PRTFDC1: variants seen among roughly 807,000 people sequenced by gnomAD.
PRTFDC1 encodes the protein phosphoribosyltransferase domain-containing protein 1.
Under a neutral mutation model 34.6 loss-of-function variants are expected in PRTFDC1, and 38 were observed. That is an observed-to-expected ratio of 1.10 (90% CI 0.85 to 1.44). The LOEUF (loss-of-function observed/expected upper bound fraction) is 1.44, where lower values mean the gene tolerates loss of function less well. Among genes scored for constraint, PRTFDC1 ranks in the 40% most tolerant of loss-of-function variants. PRTFDC1 has a pLI of 0.00. For synonymous variants in PRTFDC1, 93 were observed against 98.1 expected (o/e 0.95, Z 0.31); for missense variants, 270 against 283.0 (o/e 0.95, Z 0.33).
chr10:24,876,067 A>G (rs1291311964), intron 3 of PRTFDC1, among the ~76,000 whole-genome samples: 2 of 151,970 alleles, frequency 1.3e-5, no homozygotes, highest in African/African-American at 2.4e-5. Context: ...GGGCAAGTCT[A>G]CTTTTTGTTC....
chr10:24,849,828 G>C lies in PRTFDC1; in HGVS notation c.*16C>G. ...TATGATGCTATCTGGGACTTTAGTG[G>C]TGAGAATTCATGTCTTTAGACTCGA... On this transcript the variant is annotated 3_prime_UTR_variant, in exon 9 of 9. Coordinates refer to ENST00000320152, the MANE Select transcript of PRTFDC1 (RefSeq NM_020200.7). 6.2e-7 allele frequency: 1 copy of C among 1,612,846 alleles called. No homozygotes were observed. Among genetic ancestry groups the C allele is most frequent in the South Asian group, 1.1e-5 (1 of 91,044 alleles).
intron 3 of PRTFDC1, among the ~76,000 whole-genome samples, chr10:24,928,873 T>TA (rs1277867509): frequency 1.3e-5 from 2 of 151,176 alleles, no homozygotes; most frequent in African/African-American, 4.8e-5. Flanking sequence ...CTGTCTCTAC[T>TA]AAAAAACTAC....
intron 3 of PRTFDC1, among the ~76,000 whole-genome samples, chr10:24,897,934 C>A (rs1848394349): frequency 6.6e-6 from 1 of 152,086 alleles, no homozygotes; most frequent in Non-Finnish European, 1.5e-5. Flanking sequence ...TTTATCACAG[C>A]ATTATTTATG....
chr10:24,931,488 C>G (rs991321437), intron 3 of PRTFDC1, among the ~76,000 whole-genome samples: 4 of 151,770 alleles, frequency 2.6e-5, no homozygotes, highest in African/African-American at 9.7e-5. Flanking sequence ...TTTAGGCATA[C>G]TGGTGAAGAA....
intron 2 of PRTFDC1, among the ~76,000 whole-genome samples, chr10:24,939,820 A>G (rs1238454037): frequency 1.3e-5 from 2 of 151,262 alleles, no homozygotes. Flanking sequence ...AAAAAAGAAA[A>G]AGAAACTCAC....
intron 6 of PRTFDC1, among the ~76,000 whole-genome samples, chr10:24,855,971 G>A (rs2132489941): frequency 6.6e-6 from 1 of 151,396 alleles, no homozygotes; most frequent in East Asian, 2.0e-4. Context: ...AAAATTGGCT[G>A]GGCATGGTGG....
chr10:24,898,924 A>G (rs1349279915), intron 3 of PRTFDC1, among the ~76,000 whole-genome samples: 1 of 151,964 alleles, frequency 6.6e-6, no homozygotes, highest in African/African-American at 2.4e-5. Flanking sequence ...CTTATAAAAG[A>G]GTCCCCAGAA....
intron 3 of PRTFDC1, among the ~76,000 whole-genome samples, chr10:24,880,719 C>T (rs920840384): frequency 1.3e-5 from 2 of 152,176 alleles, no homozygotes; most frequent in African/African-American, 4.8e-5. Context: ...TTTGGGGTTT[C>T]TCAGTGAACC....
intron 3 of PRTFDC1, among the ~76,000 whole-genome samples, chr10:24,919,795 A>C (rs1013008359): frequency 2.6e-5 from 4 of 151,910 alleles, no homozygotes; most frequent in Non-Finnish European, 5.9e-5. Context: ...TTAAAAAAAA[A>C]CCATTAAAAA....
chr10:24,860,800 A>G (rs907630815), intron 4 of PRTFDC1, among the ~76,000 whole-genome samples: 6 of 152,152 alleles, frequency 3.9e-5, no homozygotes, highest in Non-Finnish European at 7.3e-5. Context: ...CTAACAACCA[A>G]TTTGCAGTAG....
chr10:24,893,300 C>A (rs900253750), intron 3 of PRTFDC1, among the ~76,000 whole-genome samples: 1 of 151,700 alleles, frequency 6.6e-6, no homozygotes, highest in Non-Finnish European at 1.5e-5. Flanking sequence ...TTCTCTCTTT[C>A]TTTCTCTTGG....
intron 3 of PRTFDC1, among the ~76,000 whole-genome samples, chr10:24,920,943 A>G (rs191502015): frequency 2.8e-4 from 42 of 152,320 alleles, no homozygotes; most frequent in Middle Eastern, 6.8e-3. Context: ...CACTGCCTCA[A>G]AGCATCTAAA....
intron 3 of PRTFDC1, among the ~76,000 whole-genome samples, chr10:24,886,809 T>C (rs1462459580): frequency 6.6e-6 from 1 of 152,052 alleles, no homozygotes; most frequent in East Asian, 1.9e-4. Context: ...AGCTCCCAGG[T>C]GATGGGGGTG....
At chr10:24,864,420 G>T (rs577034136) in intron 4 of PRTFDC1, among the ~76,000 whole-genome samples, 1 of 152,116 alleles carries the variant, frequency 6.6e-6, no homozygotes, top group Admixed American at 6.5e-5. Flanking sequence ...GAACTTCACT[G>T]TTGTCTTGTT....
intron 8 of PRTFDC1, among the ~76,000 whole-genome samples, 196 bp downstream of exon 8, chr10:24,851,192 G>A (rs891823374): frequency 5.3e-4 from 81 of 152,130 alleles, no homozygotes; most frequent in Non-Finnish European, 8.8e-5. Context: ...ATCATAATTT[G>A]CCTCTATCAT....
At chr10:24,950,679 A>G (rs1849327275) in intron 1 of PRTFDC1, among the ~76,000 whole-genome samples, 1 of 150,218 alleles carries the variant, frequency 6.7e-6, no homozygotes, top group Admixed American at 6.6e-5. Flanking sequence ...CAAGGCACCC[A>G]CCATGCTGCC....
In PRTFDC1 at chr10:24,937,212, A is replaced by G. The variant is rs146577112; in HGVS notation, c.311T>C (p.Val104Ala). ...GTAACTTTTTAGTCTGATGAAATCA[A>G]CCTTCATTGAGACAAATCGATCTGA... is the stretch of plus-strand genomic sequence containing the variant. ...RNSDRFVSMKVDFIRLKSYRN... is the reference protein window; with the variant it reads ...RNSDRFVSMKADFIRLKSYRN... Residue 104 changes from valine (V) to alanine (A), a missense_variant, in exon 3 of 9, where the codon GTT becomes GCT. Val to Ala is a moderately conservative substitution (Grantham distance 64, BLOSUM62 0). Coordinates refer to ENST00000320152, the MANE Select transcript of PRTFDC1 (RefSeq NM_020200.7). The G allele has an allele frequency of 2.1e-5, 34 of 1,613,382 alleles. No individual in the cohort carries two copies. Among genetic ancestry groups the G allele is most frequent in the Non-Finnish European group, 2.9e-5 (34 of 1,179,920 alleles).
chr10:24,918,734 A>T (rs1328657509), intron 3 of PRTFDC1, among the ~76,000 whole-genome samples: 1 of 152,152 alleles, frequency 6.6e-6, no homozygotes, highest in Non-Finnish European at 1.5e-5. Context: ...CTTTTTCAAT[A>T]GACGTTCCAA....
intron 3 of PRTFDC1, among the ~76,000 whole-genome samples, chr10:24,926,405 T>G (rs1848875331): frequency 6.6e-6 from 1 of 152,088 alleles, no homozygotes; most frequent in Non-Finnish European, 1.5e-5. Flanking sequence ...TGAGACGGAG[T>G]CTCATTCTGT....
Sources: gnomAD v4.1 joint callset for allele counts (sites outside exome capture counted in the v4.1 genomes callset) on GRCh38, gnomAD v4.1.1 for gene constraint, MANE v1.5 for transcripts, NCBI Gene and HGNC (gene_info 2026-07-23, HGNC 2026-07-21) for gene names.